The following TRRAP variants were observed in gnomAD, a reference collection of about 807,000 sequenced individuals.
TRRAP encodes the protein transformation/transcription domain-associated protein.
In TRRAP, 41 loss-of-function variants were observed where a neutral mutation model predicts 438.8. That is an observed-to-expected ratio of 0.09 (90% CI 0.07 to 0.12). The LOEUF is 0.12. TRRAP is among the 10% of genes least tolerant of loss of function. The pLI is 1.00. For synonymous variants in TRRAP, 1,994 were observed against 1,962.9 expected (o/e 1.02, Z -0.42); for missense variants, 3,122 against 5,055.1 (o/e 0.62, Z 11.60).
At chr7:98,905,874 C>T (rs184815737) in intron 12 of TRRAP, among the ~76,000 whole-genome samples, 1 of 152,260 alleles carries the variant, frequency 6.6e-6, no homozygotes, top group East Asian at 1.9e-4. Flanking sequence ...GATGTGCCCA[C>T]AGTTAAGTAT....
rs1240309033 is a variant in TRRAP, at chr7:98,984,187, G to A, written c.9117G>A (p.Gln3039=). The stretch of plus-strand genomic sequence containing the variant: ...ATGCATCAGCTTCAGCGATCATCCA[G>A]TATGGAAAAATCGCCCGGAAACAAG... The part of the protein sequence containing the change: ...GVHASASAII[Q]YGKIARKQGL... The change falls in exon 61 of 73, where the codon CAG becomes CAA. Residue 3039 remains glutamine (Q), a synonymous_variant. Coordinates refer to ENST00000456197, the MANE Select transcript of TRRAP (RefSeq NM_001375524.1). 1 of 1,614,034 alleles carries A rather than the reference G, an allele frequency of 6.2e-7. No individual in the cohort carries two copies. Among genetic ancestry groups the A allele is most frequent in the Admixed American group, 1.7e-5 (1 of 60,000 alleles).
chr7:98,937,638 CTTTT>C lies in TRRAP; in HGVS notation c.4234-9_4234-6del, dbSNP rs781843368. On this transcript the variant is annotated splice_region_variant and splice_polypyrimidine_tract_variant and intron_variant, in intron 29 of 72. Coordinates refer to ENST00000456197, the MANE Select transcript of TRRAP (RefSeq NM_001375524.1). ...TTGTCTATTTTTCTTTACAACTTTTCTTTTTTAATAGTTTTTAGAAGGTGCTACC... is the reference window on the plus strand; with the variant it reads ...TTGTCTATTTTTCTTTACAACTTTTCTTAATAGTTTTTAGAAGGTGCTACC... 1.3e-6 allele frequency: 2 copies of C among 1,588,236 alleles called. No homozygotes were observed. Among genetic ancestry groups the C allele is most frequent in the Non-Finnish European group, 1.7e-6 (2 of 1,170,336 alleles).
At chr7:98,918,353 C>G (rs1312769266) in intron 20 of TRRAP, among the ~76,000 whole-genome samples, 1 of 151,246 alleles carries the variant, frequency 6.6e-6, no homozygotes, top group Non-Finnish European at 1.5e-5. Flanking sequence ...GTCTCAGCCT[C>G]CTGAGTAGCT....
intron 47 of TRRAP, among the ~76,000 whole-genome samples, chr7:98,964,204 G>C (rs1187312044): frequency 6.6e-6 from 1 of 151,604 alleles, no homozygotes; most frequent in African/African-American, 2.4e-5. Flanking sequence ...GATTTTTATT[G>C]ATCTTAGGCT....
intron 9 of TRRAP, 39 bp downstream of exon 9, chr7:98,899,538 T>G (rs1796375351): frequency 1.2e-6 from 2 of 1,610,774 alleles, no homozygotes; most frequent in Admixed American, 1.7e-5. Flanking sequence ...GTTTTGGGCT[T>G]CTTATAAGAA....
chr7:98,907,061 C>T (rs921733895), intron 13 of TRRAP, among the ~76,000 whole-genome samples: 8 of 151,350 alleles, frequency 5.3e-5, no homozygotes, highest in African/African-American at 1.2e-4. Flanking sequence ...CGGTGGCTCA[C>T]GCCTGTAATC....
intron 18 of TRRAP, among the ~76,000 whole-genome samples, chr7:98,914,151 TC>T (rs1350729136): frequency 6.6e-6 from 1 of 152,110 alleles, no homozygotes; most frequent in East Asian, 1.9e-4. Flanking sequence ...TTCTAGCACT[TC>T]CGGAGGCTGA....
chr7:98,890,798 TTTTTTTTA>T lies in TRRAP; in HGVS notation c.261+354_261+361del, dbSNP rs1217116251. On this transcript the variant is annotated intron_variant, in intron 4 of 72. Transcript: ENST00000456197. ...TGTCAGTTCTTTTTTTTTTTTTTTT[TTTTTTTTA>T]AAAGACAAGGTCTCACTCTGTCACC... Among the ~76,000 whole-genome samples the T allele has an allele frequency of 1.6e-3, 211 of 129,206 alleles. 1 individual carries two copies. Among genetic ancestry groups the T allele is most frequent in the African/African-American group, 7.5e-3 (202 of 26,832 alleles). The allele number at this position is 129,206 out of a possible 152,430, so 84.8% of individuals were successfully genotyped here. A position where few individuals can be genotyped will look rare whatever the true frequency, so the allele number is the denominator to read the frequency against.
At chr7:98,910,998 C>A in intron 16 of TRRAP, 79 bp from the exon 17 acceptor site, 3 of 1,273,796 alleles carry the variant, frequency 2.4e-6, no homozygotes, top group South Asian at 1.6e-5. Context: ...AAGTATGCAG[C>A]TGATCTGGTT....
chr7:98,930,569 A>C, intron 24 of TRRAP, 64 bp from the exon 25 acceptor site: 1 of 1,596,636 alleles, frequency 6.3e-7, no homozygotes, highest in African/African-American at 1.3e-5. Context: ...TAAGAGCGAA[A>C]CTCTGTCTCA....
Position 98,976,050 on chromosome 7 carries a change from C to T in TRRAP, c.7840-99C>T, listed in dbSNP as rs944050683. 6.4e-6 allele frequency: 9 copies of T among 1,411,130 alleles called. No homozygotes were observed. In the African/African-American group the frequency reaches 1.0e-4, roughly 16 times the overall value. 87.4% of individuals were successfully genotyped at this position (1,411,130 alleles called of 1,614,324 possible). On this transcript the variant is annotated intron_variant, in intron 53 of 72. Transcript: ENST00000456197. The surrounding 1 kb of genome is among the most constrained non-coding windows in gnomAD (Gnocchi z 4.6). ...TGAAACTTTGAAAGTGGAGGAGCAT[C>T]GGTAATGTATGAGACAGATCATGGG...
chr7:99,005,665 A>T lies in TRRAP; in HGVS notation c.10753+317A>T, dbSNP rs569131117. 2.6e-5 allele frequency among the ~76,000 whole-genome samples: 4 copies of T among 152,042 alleles called. No homozygotes were observed. Among genetic ancestry groups the T allele is most frequent in the Admixed American group, 2.0e-4 (3 of 15,286 alleles). The stretch of plus-strand genomic sequence containing the variant: ...ACAAATTCGTCAACTTTCTTAGGAC[A>T]TTATGAGATTTCTTTTTCTTTTTTT... On this transcript the variant is annotated intron_variant, in intron 69 of 72. Transcript: ENST00000456197. The surrounding 1 kb of genome is among the most constrained non-coding windows in gnomAD (Gnocchi z 5.1).
At chr7:98,897,171 G>A (rs1462841205) in intron 7 of TRRAP, among the ~76,000 whole-genome samples, 1 of 152,176 alleles carries the variant, frequency 6.6e-6, no homozygotes, top group African/African-American at 2.4e-5. Context: ...GGAGGTGGAA[G>A]TTGCAGTGAG....
chr7:98,964,892 T>G, intron 48 of TRRAP, 117 bp downstream of exon 48: 1 of 1,301,928 alleles, frequency 7.7e-7, no homozygotes, highest in Non-Finnish European at 1.0e-6. Flanking sequence ...GTCCTGTTGT[T>G]TGGTCGTAAA....
intron 47 of TRRAP, among the ~76,000 whole-genome samples, chr7:98,962,924 G>C (rs534755195): frequency 2.9e-4 from 44 of 152,260 alleles, no homozygotes; most frequent in Non-Finnish European, 6.0e-4. Context: ...CAGATTTATA[G>C]ATGTGCCCTC....
chr7:98,973,749 C>A (rs369708523), intron 53 of TRRAP, among the ~76,000 whole-genome samples: 2 of 152,194 alleles, frequency 1.3e-5, no homozygotes, highest in South Asian at 2.1e-4. Flanking sequence ...CATACTGTTC[C>A]CAGATGCGTG....
At chr7:98,919,261 T>C (rs782519963) in intron 20 of TRRAP, among the ~76,000 whole-genome samples, 1 of 152,130 alleles carries the variant, frequency 6.6e-6, no homozygotes, top group Non-Finnish European at 1.5e-5. Flanking sequence ...ATATTTTCCC[T>C]CCCTGTCCTG....
intron 47 of TRRAP, among the ~76,000 whole-genome samples, chr7:98,963,206 TG>T (rs1791997649): frequency 6.6e-6 from 1 of 152,222 alleles, no homozygotes; most frequent in Admixed American, 6.5e-5. Context: ...TGAATATATT[TG>T]GATGAGTTCC....
At chr7:98,925,072 T>C (rs1554411314) in intron 21 of TRRAP, 40 bp from the exon 22 acceptor site, 2 of 1,575,834 alleles carry the variant, frequency 1.3e-6, no homozygotes, top group South Asian at 1.2e-5. Context: ...AATCATGTAA[T>C]TTCAGCACAA....
Sources: gnomAD v4.1 joint callset for allele counts (sites outside exome capture counted in the v4.1 genomes callset) on GRCh38, gnomAD v4.1.1 for gene constraint, Gnocchi (gnomAD v3.1) non-coding constraint, MANE v1.5 for transcripts, NCBI Gene and HGNC (gene_info 2026-07-23, HGNC 2026-07-21) for gene names.